The following SERPINB8 variants were observed in gnomAD, a reference collection of about 807,000 sequenced individuals.
SERPINB8 encodes the protein serpin family B member 8, also known as serpin B8.
SERPINB8 carries 25 observed loss-of-function variants against 35.3 expected under a neutral mutation model. That is an observed-to-expected ratio of 0.71 (90% CI 0.52 to 0.99). The LOEUF (loss-of-function observed/expected upper bound fraction) is 0.99, where lower values mean the gene tolerates loss of function less well. SERPINB8 is among the 50% of genes least tolerant of loss of function. The pLI is 0.00. For synonymous variants in SERPINB8, 186 were observed against 160.8 expected (o/e 1.16, Z -1.19); for missense variants, 484 against 446.5 (o/e 1.08, Z -0.76).
At chr18:63,978,576 C>A in intron 2 of SERPINB8, 100 bp downstream of exon 2, 1 of 1,402,790 alleles carries the variant, frequency 7.1e-7, no homozygotes, top group Non-Finnish European at 9.8e-7. Context: ...GCCTGTGGAG[C>A]TGGAGGTAGA....
chr18:64,016,439 G>A (rs988610413), intron 7 of SERPINB8, among the ~76,000 whole-genome samples: 2 of 152,002 alleles, frequency 1.3e-5, no homozygotes, highest in Admixed American at 1.3e-4. Flanking sequence ...TTTGTTTTTT[G>A]TTTGTTTTTT....
At chr18:64,015,174 C>T (rs956892862) in intron 7 of SERPINB8, among the ~76,000 whole-genome samples, 4 of 152,096 alleles carry the variant, frequency 2.6e-5, no homozygotes, top group Non-Finnish European at 4.4e-5. Flanking sequence ...CAGAGAGCAT[C>T]GGCCTGCCCA....
At chr18:63,973,600 T>C (rs2050529298) in intron 1 of SERPINB8, among the ~76,000 whole-genome samples, 1 of 152,236 alleles carries the variant, frequency 6.6e-6, no homozygotes, top group Admixed American at 6.5e-5. Context: ...GCCTAGGTTT[T>C]CTTCTAGGGT....
At position 63,987,134 on chromosome 18, in the gene SERPINB8, G is replaced by T; in HGVS notation, c.981G>T (p.Glu327Asp). 1 of 1,613,986 alleles carries T rather than the reference G, an allele frequency of 6.2e-7. No homozygotes were observed. Among genetic ancestry groups the T allele is most frequent in the Non-Finnish European group, 8.5e-7 (1 of 1,179,988 alleles). Residue 327 changes from glutamate to aspartate, a missense_variant, in exon 7 of 7, where the codon GAG becomes GAT. Transcript: ENST00000397985. ...TGGAGGTCAATGAGGAAGGCACAGA[G>T]GCTGCCGCAGCCACTGCTGTGGTCA... ...CFVEVNEEGTEAAAATAVVRN... is the reference protein window; with the variant it reads ...CFVEVNEEGTDAAAATAVVRN...
At chr18:64,010,990 A>G (rs1393731529) in intron 7 of SERPINB8, among the ~76,000 whole-genome samples, 1 of 151,782 alleles carries the variant, frequency 6.6e-6, no homozygotes, top group East Asian at 1.9e-4. Flanking sequence ...TTGTTTTATG[A>G]GCATGATATA....
intron 7 of SERPINB8, among the ~76,000 whole-genome samples, chr18:64,010,758 T>A (rs918031824): frequency 7.2e-5 from 11 of 152,054 alleles, no homozygotes; most frequent in African/African-American, 2.7e-4. Flanking sequence ...ATTATGTTTT[T>A]TTAAGGTGCA....
intron 6 of SERPINB8, 147 bp downstream of exon 6, chr18:63,985,392 A>G (rs1446407538): frequency 1.3e-5 from 11 of 840,128 alleles, no homozygotes; most frequent in Non-Finnish European, 1.8e-5. Context: ...TCTTTTGATG[A>G]ACATGTTCAT....
downstream of SERPINB8, among the ~76,000 whole-genome samples, chr18:63,991,843 T>G (rs1417902692): frequency 3.3e-5 from 5 of 152,190 alleles, no homozygotes; most frequent in Non-Finnish European, 7.3e-5. Context: ...TCTCTTTTAT[T>G]CGTAGTTTGT....
chr18:63,985,036 CT>C, intron 5 of SERPINB8, 56 bp from the exon 6 acceptor site: 1 of 1,569,414 alleles, frequency 6.4e-7, no homozygotes, highest in Non-Finnish European at 8.7e-7. Context: ...TAGATATATC[CT>C]ATTTTTAGTA....
At chr18:63,981,679 C>G (rs1248895302) in intron 3 of SERPINB8, 42 bp from the exon 4 acceptor site, 17 of 1,369,620 alleles carry the variant, frequency 1.2e-5, no homozygotes, top group Non-Finnish European at 1.6e-5. Context: ...TTTGTGGGAA[C>G]CTTTACCAAA....
chr18:63,993,663 C>T (rs1485582277), downstream of SERPINB8, among the ~76,000 whole-genome samples: 1 of 152,190 alleles, frequency 6.6e-6, no homozygotes, highest in Non-Finnish European at 1.5e-5. Flanking sequence ...ACATGTCCAA[C>T]TATAATTGTT....
At chr18:63,989,718 C>T (rs1304621787), downstream of SERPINB8, among the ~76,000 whole-genome samples, 2 of 151,970 alleles carry the variant, frequency 1.3e-5, no homozygotes, top group East Asian at 1.9e-4. Context: ...CCGAGGCGGG[C>T]GGATCACGAG....
intron 6 of SERPINB8, among the ~76,000 whole-genome samples, chr18:63,985,949 G>A (rs532082894): frequency 4.6e-5 from 7 of 152,238 alleles, no homozygotes; most frequent in African/African-American, 1.2e-4. Context: ...CACCATGGCC[G>A]ACTTTAGTCT....
At chr18:63,982,172 C>T (rs972000922) in intron 4 of SERPINB8, among the ~76,000 whole-genome samples, 3 of 152,132 alleles carry the variant, frequency 2.0e-5, no homozygotes, top group Non-Finnish European at 2.9e-5. Flanking sequence ...AATTAAGTTG[C>T]GGCTTAGAGA....
chr18:63,986,345 C>T (rs1053170558), intron 6 of SERPINB8: 9 of 1,597,156 alleles, frequency 5.6e-6, no homozygotes, highest in African/African-American at 1.3e-5. Flanking sequence ...TCTTGCATTC[C>T]CCATTTCTCG....
chr18:63,984,055 C>T (rs1412634137), intron 5 of SERPINB8, among the ~76,000 whole-genome samples: 1 of 152,100 alleles, frequency 6.6e-6, no homozygotes, highest in Non-Finnish European at 1.5e-5. Context: ...TCATATTGCC[C>T]AGGTTGGTCT....
intron 1 of SERPINB8, among the ~76,000 whole-genome samples, chr18:63,996,850 C>T (rs2050852047): frequency 6.6e-6 from 1 of 152,212 alleles, no homozygotes; most frequent in African/African-American, 2.4e-5. Context: ...AAAGGATGCC[C>T]AGTGATTTGT....
At chr18:63,980,627 C>A (rs1186188321) in intron 3 of SERPINB8, among the ~76,000 whole-genome samples, 2 of 152,288 alleles carry the variant, frequency 1.3e-5, no homozygotes, top group East Asian at 3.9e-4. Flanking sequence ...CCGGAATTTG[C>A]CTGCTCTGGG....
At chr18:63,971,941 A>T (rs899286364) in intron 1 of SERPINB8, among the ~76,000 whole-genome samples, 1 of 151,244 alleles carries the variant, frequency 6.6e-6, no homozygotes, top group Non-Finnish European at 1.5e-5. Context: ...TCCTCAGCCT[A>T]TTATTTGCAT....
Sources: allele counts gnomAD v4.1 joint callset (sites outside exome capture counted in the v4.1 genomes callset), GRCh38; gene constraint gnomAD v4.1.1; transcripts MANE v1.5; gene names NCBI Gene and HGNC (gene_info 2026-07-23, HGNC 2026-07-21).